The following RNF216 variants were observed in gnomAD, a reference collection of about 807,000 sequenced individuals.
RNF216 encodes the protein ring finger protein 216.
A neutral mutation model predicts 110.8 loss-of-function variants in RNF216; 72 were observed. The observed-to-expected ratio is 0.65, with a 90% CI of 0.54 to 0.79. RNF216 has a LOEUF of 0.79. Among genes scored for constraint, RNF216 ranks in the 30% least tolerant of loss-of-function variants. RNF216 has a pLI of 0.00. For synonymous variants in RNF216, 495 were observed against 407.5 expected (o/e 1.21, Z -2.59); for missense variants, 1,342 against 1,141.2 (o/e 1.18, Z -2.54).
chr7:5,649,525 C>A (rs984607652), intron 14 of RNF216: 1 of 149,096 alleles, frequency 6.7e-6, no homozygotes, highest in Non-Finnish European at 1.5e-5. Context: ...AGAAAAAAAA[C>A]GTTTTGACAT....
rs1198347964 is a variant in RNF216, at chr7:5,732,493, T to C, written c.1122-1676A>G. 2.0e-5 allele frequency among the ~76,000 whole-genome samples: 3 copies of C among 152,338 alleles called. No individual in the cohort carries two copies. The South Asian group carries it at 6.2e-4, about 32-fold the overall frequency. The stretch of plus-strand genomic sequence containing the variant: ...GAGAGGTTCATCTCTCCCCAATTCA[T>C]TTTATATTTGCAACAATATTAAGAA... On this transcript the variant is annotated intron_variant, in intron 5 of 16. Transcript: ENST00000389902.
chr7:5,739,056 G>A (rs191089680), intron 5 of RNF216, among the ~76,000 whole-genome samples: 123 of 152,322 alleles, frequency 8.1e-4, no homozygotes, highest in African/African-American at 2.7e-3. Flanking sequence ...CCACTGGCTT[G>A]GGAAGGGGAT....
intron 1 of RNF216, among the ~76,000 whole-genome samples, chr7:5,773,842 C>G (rs1029627520): frequency 1.3e-5 from 2 of 152,222 alleles, no homozygotes; most frequent in African/African-American, 4.8e-5. Context: ...CCTGGGATAA[C>G]AGGCGAGTCA....
intron 9 of RNF216, among the ~76,000 whole-genome samples, chr7:5,718,280 C>G (rs748214112): frequency 3.9e-5 from 6 of 152,072 alleles, no homozygotes; most frequent in Non-Finnish European, 8.8e-5. Flanking sequence ...ACTAAGGTGG[C>G]TGAGGCAGGA....
chr7:5,653,967 G>A (rs1206357980), intron 13 of RNF216, among the ~76,000 whole-genome samples: 2 of 152,366 alleles, frequency 1.3e-5, no homozygotes, highest in South Asian at 4.1e-4. Context: ...TGAAGGGCAT[G>A]ATGAGCAGTT....
Position 5,707,704 on chromosome 7 carries a change from A to AGT in RNF216, c.2061+4055_2061+4056dup, listed in dbSNP as rs143238225. Among the ~76,000 whole-genome samples, 538 of 141,736 alleles carry AGT rather than the reference A, an allele frequency of 3.8e-3. 4 individuals are homozygous for AGT. The highest frequency in any genetic ancestry group is 0.013 in the African/African-American group (488 of 36,824). 93.0% of individuals were successfully genotyped at this position (141,736 alleles called of 152,430 possible). On this transcript the variant is annotated intron_variant, in intron 13 of 16. Transcript: ENST00000389902. ...TGATCTTAGTAAAAAAAAGCTTTTC[A>AGT]GTGTGTGTGTGTGGTTTTTTTTTTT... is the stretch of plus-strand genomic sequence containing the variant.
intron 13 of RNF216, among the ~76,000 whole-genome samples, chr7:5,664,166 T>A (rs1433420297): frequency 2.0e-5 from 3 of 152,126 alleles, no homozygotes; most frequent in Non-Finnish European, 4.4e-5. Flanking sequence ...TTTTTGTACT[T>A]TCCATGGGCA....
intron 13 of RNF216, among the ~76,000 whole-genome samples, chr7:5,703,780 C>T (rs548973903): frequency 7.3e-4 from 111 of 152,344 alleles, no homozygotes; most frequent in Admixed American, 1.6e-3. Flanking sequence ...GGTCTCTCGT[C>T]GTTAGCGCTT....
chr7:5,674,435 G>C (rs1462475920), intron 13 of RNF216, among the ~76,000 whole-genome samples: 1 of 151,480 alleles, frequency 6.6e-6, no homozygotes, highest in Non-Finnish European at 1.5e-5. Flanking sequence ...AGGATTACAG[G>C]AGTGAGCCAC....
intron 13 of RNF216, among the ~76,000 whole-genome samples, chr7:5,663,181 T>C (rs575877093): frequency 6.6e-6 from 1 of 152,292 alleles, no homozygotes; most frequent in African/African-American, 2.4e-5. Context: ...ATTATCTGAT[T>C]ATGTCACATC....
intron 2 of RNF216, among the ~76,000 whole-genome samples, chr7:5,759,695 A>G (rs527463914): frequency 7.1e-6 from 1 of 140,558 alleles, no homozygotes; most frequent in East Asian, 2.2e-4. Context: ...GCAGTGGCAC[A>G]ATCTCAGCTC....
At chr7:5,668,104 C>G (rs996015234) in intron 13 of RNF216, among the ~76,000 whole-genome samples, 2 of 152,148 alleles carry the variant, frequency 1.3e-5, no homozygotes, top group Non-Finnish European at 2.9e-5. Context: ...TTGTGGATAT[C>G]AGACAGGACA....
intron 15 of RNF216, among the ~76,000 whole-genome samples, chr7:5,639,347 C>T (rs1787591330): frequency 6.6e-6 from 1 of 152,176 alleles, no homozygotes; most frequent in Non-Finnish European, 1.5e-5. Flanking sequence ...GAGCTGCTAG[C>T]CCACCCCTGG....
In RNF216 at chr7:5,633,019, G is replaced by A. The variant is rs537291415; in HGVS notation, c.2382+8135C>T. Among the ~76,000 whole-genome samples, 3 of 151,968 alleles carry A rather than the reference G, an allele frequency of 2.0e-5. No individual in the cohort carries two copies. In the East Asian group the frequency reaches 6.0e-4, roughly 30 times the overall value. On this transcript the variant is annotated intron_variant, in intron 15 of 16. Transcript: ENST00000389902. ...TTTTGAGACAGAGTCGTGCTCTATC[G>A]CCCAGGCTGGAGTGCAGTGGTGCGA...
rs575713491 is a variant in RNF216, at chr7:5,724,246, T to C, written c.1504+1078A>G. ...GGGAAGAGGAGAAGGGCAGTCAGGC[T>C]GATGAAGGGACAACAGTCAGAATCT... On this transcript the variant is annotated intron_variant, in intron 8 of 16. Transcript: ENST00000389902. Among the ~76,000 whole-genome samples the C allele has an allele frequency of 1.3e-3, 193 of 152,304 alleles. 1 individual carries two copies. Among genetic ancestry groups the C allele is most frequent in the African/African-American group, 4.5e-3 (186 of 41,568 alleles).
At chr7:5,717,610 A>G (rs1159853822) in intron 9 of RNF216, among the ~76,000 whole-genome samples, 2 of 152,216 alleles carry the variant, frequency 1.3e-5, no homozygotes, top group African/African-American at 2.4e-5. Flanking sequence ...AAACAACCCT[A>G]AACATCCATC....
At position 5,624,092 on chromosome 7, in the gene RNF216, T is replaced by C. The variant is rs1276796111; in HGVS notation, c.2416A>G (p.Lys806Glu). Residue 806 changes from lysine (K) to glutamate (E), a missense_variant, in exon 16 of 17, where the codon AAG (lysine) becomes GAG (glutamate). Transcript: ENST00000389902. The surrounding 1 kb of genome is among the most constrained non-coding windows in gnomAD (Gnocchi z 4.4). ...DDEKLIEEIQ[K>E]EAEEEQKRKN... ...CTTTTCTGTTCCTCTTCAGCCTCCTTCTGGATTTCCTCAATAAGCTTCTCA... is the reference window on the plus strand; with the variant it reads ...CTTTTCTGTTCCTCTTCAGCCTCCTCCTGGATTTCCTCAATAAGCTTCTCA... The C allele has an allele frequency of 2.5e-6, 4 of 1,613,810 alleles. No homozygotes were observed. The highest frequency in any genetic ancestry group is 3.4e-6 in the Non-Finnish European group (4 of 1,179,968).
chr7:5,711,812 C>T lies in RNF216; in HGVS notation c.2010G>A (p.Leu670=), dbSNP rs138122142. ...TGAACCTCTTCACATCACTGTCCAA[C>T]AGAGCCGGAAAGCTACAGGACGGGC... ...VRCPSCSFPA[L]LDSDVKRFSC... Residue 670 remains leucine, a synonymous_variant, in exon 13 of 17, where the codon CTG becomes CTA. Transcript: ENST00000389902. The T allele has an allele frequency of 1.2e-6, 2 of 1,613,884 alleles. No individual in the cohort carries two copies. Among genetic ancestry groups the T allele is most frequent in the Non-Finnish European group, 1.7e-6 (2 of 1,179,954 alleles).
intron 1 of RNF216, among the ~76,000 whole-genome samples, chr7:5,770,024 C>CAAAAA (rs1163710982): frequency 0.022 from 524 of 24,152 alleles, 101 homozygotes; most frequent in African/African-American, 0.026. Flanking sequence ...AGACCCATCT[C>CAAAAA]AAAAAAAAAA....
Sources: gnomAD v4.1 joint callset for allele counts (sites outside exome capture counted in the v4.1 genomes callset) on GRCh38, gnomAD v4.1.1 for gene constraint, Gnocchi (gnomAD v3.1) non-coding constraint, MANE v1.5 for transcripts, NCBI Gene and HGNC (gene_info 2026-07-23, HGNC 2026-07-21) for gene names.